LRRTM4: variants seen among roughly 807,000 people sequenced by gnomAD.
The protein encoded by LRRTM4 is leucine-rich repeat transmembrane neuronal protein 4.
A neutral mutation model predicts 47.6 loss-of-function variants in LRRTM4; 25 were observed. The ratio of observed to expected loss-of-function variants is 0.53; its 90% CI spans 0.38 to 0.73. The LOEUF (loss-of-function observed/expected upper bound fraction) is 0.73, where lower values mean the gene tolerates loss of function less well. LRRTM4 is among the 30% of genes least tolerant of loss of function. The pLI, the probability that LRRTM4 is intolerant of heterozygous loss-of-function variation, is 0.00. For missense variants in LRRTM4, 638 were observed against 713.4 expected (o/e 0.89, Z 1.20); for synonymous variants, 311 against 269.5 (o/e 1.15, Z -1.51).
intron 3 of LRRTM4, among the ~76,000 whole-genome samples, chr2:77,454,177 GAATT>G (rs1213636032): frequency 1.3e-5 from 2 of 152,242 alleles, no homozygotes; most frequent in Non-Finnish European, 2.9e-5. Flanking sequence ...AGAAATTCAT[GAATT>G]AATGTAAATA....
chr2:77,028,689 G>T (rs1678538238), intron 3 of LRRTM4, among the ~76,000 whole-genome samples: 1 of 151,736 alleles, frequency 6.6e-6, no homozygotes, highest in Admixed American at 6.6e-5. Context: ...ATAAAAATAG[G>T]ATGATGATAT....
chr2:76,942,676 C>CTG lies in LRRTM4; in HGVS notation c.1552-193762_1552-193761dup, dbSNP rs61077287. On this transcript the variant is annotated intron_variant, in intron 3 of 3. Transcript: ENST00000409884. ...GGTCAAGTAACCAACCTCTAGGAAT[C>CTG]TGTGTGTGTGTGTGTGTGTGTGTGT... Among the ~76,000 whole-genome samples the CTG allele has an allele frequency of 9.9e-3, 1,469 of 148,278 alleles. 25 individuals carry two copies. The highest frequency in any genetic ancestry group is 0.022 in the Admixed American group (320 of 14,852).
intron 3 of LRRTM4, among the ~76,000 whole-genome samples, chr2:77,207,372 T>TATATATATATATACACAC (rs59335400): frequency 1.1e-4 from 14 of 131,110 alleles, no homozygotes; most frequent in Admixed American, 3.0e-4. Context: ...TATATATATA[T>TATATATATATATACACAC]ACACACACAC....
At chr2:76,829,586 G>T (rs1445215027) in intron 3 of LRRTM4, among the ~76,000 whole-genome samples, 1 of 151,880 alleles carries the variant, frequency 6.6e-6, no homozygotes, top group Non-Finnish European at 1.5e-5. Context: ...CATGTAAAAT[G>T]GATTTATTTT....
chr2:76,814,690 G>A (rs941870850), intron 3 of LRRTM4, among the ~76,000 whole-genome samples: 6 of 151,818 alleles, frequency 4.0e-5, no homozygotes, highest in Non-Finnish European at 8.8e-5. Context: ...TAAGGGACTT[G>A]AGTATCCCTG....
intron 3 of LRRTM4, among the ~76,000 whole-genome samples, chr2:76,864,308 C>A (rs960176249): frequency 1.3e-5 from 2 of 152,130 alleles, no homozygotes; most frequent in Non-Finnish European, 2.9e-5. Context: ...TAGAAATTTC[C>A]ACACCTCTGA....
intron 3 of LRRTM4, among the ~76,000 whole-genome samples, chr2:77,411,574 T>TCCTG (rs1165534942): frequency 6.9e-6 from 1 of 144,968 alleles, no homozygotes; most frequent in African/African-American, 2.5e-5. Context: ...TGCCTCAGCC[T>TCCTG]CCTGAGTAGC....
intron 3 of LRRTM4, among the ~76,000 whole-genome samples, chr2:76,974,173 C>A (rs12151796): frequency 7.7e-6 from 1 of 130,346 alleles, no homozygotes; most frequent in Admixed American, 8.1e-5. Context: ...TATATACATA[C>A]ATATATATAC....
chr2:76,825,768 A>G (rs899234765), intron 3 of LRRTM4, among the ~76,000 whole-genome samples: 1 of 151,620 alleles, frequency 6.6e-6, no homozygotes, highest in Admixed American at 6.6e-5. Context: ...GTCGAGCTGC[A>G]GAAGGTTTGG....
intron 3 of LRRTM4, among the ~76,000 whole-genome samples, chr2:77,197,126 T>C (rs1673851034): frequency 6.6e-6 from 1 of 152,166 alleles, no homozygotes; most frequent in African/African-American, 2.4e-5. Flanking sequence ...TGAGTAGTCA[T>C]ACAAATAGTA....
chr2:77,353,760 T>C (rs1671869525), intron 3 of LRRTM4, among the ~76,000 whole-genome samples: 1 of 152,146 alleles, frequency 6.6e-6, no homozygotes, highest in African/African-American at 2.4e-5. Context: ...TAAGTCCTAA[T>C]ATAACATTGA....
At chr2:76,917,250 T>G (rs1198315969) in intron 3 of LRRTM4, among the ~76,000 whole-genome samples, 1 of 152,200 alleles carries the variant, frequency 6.6e-6, no homozygotes, top group Non-Finnish European at 1.5e-5. Flanking sequence ...GGAGGCAGAT[T>G]TGACTGGGCC....
intron 3 of LRRTM4, among the ~76,000 whole-genome samples, chr2:76,908,463 A>G (rs1673930577): frequency 6.6e-6 from 1 of 151,284 alleles, no homozygotes; most frequent in Non-Finnish European, 1.5e-5. Context: ...CACCACTCCT[A>G]TTCAACATAG....
chr2:77,046,110 A>G (rs1298780950), intron 3 of LRRTM4, among the ~76,000 whole-genome samples: 1 of 151,918 alleles, frequency 6.6e-6, no homozygotes, highest in Non-Finnish European at 1.5e-5. Flanking sequence ...CTTCTCTTGT[A>G]TTACCTGTAC....
intron 3 of LRRTM4, among the ~76,000 whole-genome samples, chr2:76,842,619 A>G (rs949377278): frequency 6.6e-6 from 1 of 152,220 alleles, no homozygotes; most frequent in Admixed American, 6.5e-5. Flanking sequence ...ACTCACTCAC[A>G]TAATTTGTTG....
intron 3 of LRRTM4, among the ~76,000 whole-genome samples, chr2:77,273,719 A>G (rs1676265615): frequency 6.6e-6 from 1 of 152,120 alleles, no homozygotes; most frequent in South Asian, 2.1e-4. Context: ...AGCAGTACAA[A>G]TTTTAAATGT....
At position 76,841,355 on chromosome 2, in the gene LRRTM4, A is replaced by G. The variant is rs987130268; in HGVS notation, c.1552-92439T>C. 3.9e-5 allele frequency among the ~76,000 whole-genome samples: 6 copies of G among 151,906 alleles called. No homozygotes were observed. In the East Asian group the frequency reaches 9.7e-4, roughly 25 times the overall value. On this transcript the variant is annotated intron_variant, in intron 3 of 3. Coordinates refer to ENST00000409884, the MANE Select transcript of LRRTM4 (RefSeq NM_001134745.3). ...ACGAGTTAATGGGTGCAGCACACCA[A>G]CATGGCACATGTATACATATGTAAC...
Position 77,285,181 on chromosome 2 carries a change from C to A in LRRTM4, c.1551+233137G>T, listed in dbSNP as rs184881551. Among the ~76,000 whole-genome samples the A allele has an allele frequency of 4.6e-3, 701 of 151,580 alleles. 4 individuals carry two copies. Among genetic ancestry groups the A allele is most frequent in the Non-Finnish European group, 7.9e-3 (536 of 67,878 alleles). On this transcript the variant is annotated intron_variant, in intron 3 of 3. Coordinates refer to ENST00000409884, the MANE Select transcript of LRRTM4 (RefSeq NM_001134745.3). ...TCTTTCATTTTCTTGCAATAGAAAGCAACCCTATACCTATTTGAGAGCATT... is the reference window on the plus strand; with the variant it reads ...TCTTTCATTTTCTTGCAATAGAAAGAAACCCTATACCTATTTGAGAGCATT...
At chr2:77,000,856 G>C (rs143588865) in intron 3 of LRRTM4, among the ~76,000 whole-genome samples, 156 of 152,022 alleles carry the variant, frequency 1.0e-3, no homozygotes, top group African/African-American at 3.3e-3. Context: ...GGCTGTGGAG[G>C]GACCTTTCAC....
Sources: allele counts gnomAD v4.1 joint callset (sites outside exome capture counted in the v4.1 genomes callset), GRCh38; gene constraint gnomAD v4.1.1; transcripts MANE v1.5; gene names NCBI Gene and HGNC (gene_info 2026-07-23, HGNC 2026-07-21).